MIER2: variants seen among roughly 807,000 people sequenced by gnomAD.
The protein encoded by MIER2 is mesoderm induction early response protein 2.
Under a neutral mutation model 67.6 loss-of-function variants are expected in MIER2, and 30 were observed. The ratio of observed to expected loss-of-function variants is 0.44; its 90% CI spans 0.33 to 0.60. The LOEUF (loss-of-function observed/expected upper bound fraction) is 0.60, where lower values mean the gene tolerates loss of function less well. Among genes scored for constraint, MIER2 ranks in the 20% least tolerant of loss-of-function variants. MIER2 has a pLI of 0.02. For synonymous variants in MIER2, 372 were observed against 312.6 expected (o/e 1.19, Z -2.00); for missense variants, 702 against 745.1 (o/e 0.94, Z 0.67).
At chr19:318,494 AGAG>A (rs1298181241) in intron 7 of MIER2, among the ~76,000 whole-genome samples, 1 of 152,210 alleles carries the variant, frequency 6.6e-6, no homozygotes, top group African/African-American at 2.4e-5. Flanking sequence ...ATCCACAATC[AGAG>A]GAGGTCATTA....
intron 1 of MIER2, 27 bp from the exon 2 acceptor site, chr19:336,200 C>T: frequency 6.3e-7 from 1 of 1,593,928 alleles, no homozygotes; most frequent in Non-Finnish European, 8.6e-7. Flanking sequence ...GCAGGGTTAG[C>T]TCGGCCGGCC....
rs764434876 is a variant in MIER2, at chr19:325,689, G to A, written c.601C>T (p.Pro201Ser). The change falls in exon 7 of 14, where the codon CCT becomes TCT. Residue 201 changes from proline to serine, a missense_variant. Around this residue, in one of 3 missense-constraint regions of MIER2, gnomAD observed 320 missense variants for 292.6 expected, o/e 1.09. Coordinates refer to ENST00000264819, the MANE Select transcript of MIER2 (RefSeq NM_017550.3). ...NKCKKEIMVG[P>S]QFQADLSNLH... ...TTGCTGAGGTCAGCTTGGAACTGAG[G>A]TCCCACCATGATCTCCTGCAAAGCA... The A allele has an allele frequency of 1.9e-6, 3 of 1,614,204 alleles. No individual in the cohort carries two copies. The highest frequency in any genetic ancestry group is 2.2e-5 in the East Asian group (1 of 44,884).
Position 306,453 on chromosome 19 carries a change from C to T in MIER2, c.*237G>A, listed in dbSNP as rs928869422. 14 of 616,026 alleles carry T rather than the reference C, an allele frequency of 2.3e-5. No individual in the cohort carries two copies. The highest frequency in any genetic ancestry group is 3.7e-5 in the Non-Finnish European group (13 of 353,140). The allele number at this position is 616,026 out of a possible 1,614,324, so 38.2% of individuals were successfully genotyped here. A position where few individuals can be genotyped will look rare whatever the true frequency, so the allele number is the denominator to read the frequency against. Reference sequence around the variant, plus strand: ...CCACGTGCAGGCAGCGGCCCGGACCCGGGTGGCAGTGCCGGGCGCTGACGG... The same window carrying T: ...CCACGTGCAGGCAGCGGCCCGGACCTGGGTGGCAGTGCCGGGCGCTGACGG... On this transcript the variant is annotated 3_prime_UTR_variant, in exon 14 of 14. Coordinates refer to ENST00000264819, the MANE Select transcript of MIER2 (RefSeq NM_017550.3).
intron 3 of MIER2, among the ~76,000 whole-genome samples, chr19:330,698 C>T (rs1238489491): frequency 6.6e-6 from 1 of 152,100 alleles, no homozygotes; most frequent in Non-Finnish European, 1.5e-5. Flanking sequence ...GGGTGGGGCC[C>T]TGATCCAACA....
At chr19:323,635 A>T (rs1971596294) in intron 7 of MIER2, among the ~76,000 whole-genome samples, 1 of 151,904 alleles carries the variant, frequency 6.6e-6, no homozygotes. Context: ...CAAACCAAGG[A>T]CCACAATGGA....
At chr19:322,795 G>A (rs907867009) in intron 7 of MIER2, among the ~76,000 whole-genome samples, 3 of 152,106 alleles carry the variant, frequency 2.0e-5, no homozygotes, top group African/African-American at 7.2e-5. Flanking sequence ...AGTGCCGAGT[G>A]CCTATGTCCA....
Position 308,741 on chromosome 19 carries a change from AC to A in MIER2, c.1109+59del, listed in dbSNP as rs879092436. Reference sequence around the variant, plus strand: ...CCCAAGAGGTGCCGCCCAGGCGCCCACGTGCCCACCCCCGGCGGGGTGGCCG... The same window carrying A: ...CCCAAGAGGTGCCGCCCAGGCGCCCAGTGCCCACCCCCGGCGGGGTGGCCG... On this transcript the variant is annotated intron_variant, in intron 11 of 13. Transcript: ENST00000264819. This position sits in a 1 kb window ranked among gnomAD's most constrained non-coding sequence, Gnocchi z 9.1. 1.0e-5 allele frequency: 16 copies of A among 1,593,658 alleles called. No individual in the cohort carries two copies. The South Asian group carries it at 1.8e-4, about 18-fold the overall frequency.
At chr19:343,788 C>T (rs1384718901) in intron 1 of MIER2, 2 of 967,578 alleles carry the variant, frequency 2.1e-6, no homozygotes, top group Non-Finnish European at 2.5e-6. Flanking sequence ...GAGCACCTCG[C>T]AGCCGCCGCA....
chr19:309,627 C>T (rs867536226), intron 10 of MIER2, among the ~76,000 whole-genome samples: 13 of 123,476 alleles, frequency 1.1e-4, no homozygotes, highest in African/African-American at 4.0e-4. Flanking sequence ...GACACACACA[C>T]GCACACAAGG....
intron 10 of MIER2, 133 bp downstream of exon 10, chr19:311,712 G>A (rs1568217609): frequency 1.6e-5 from 12 of 767,498 alleles, no homozygotes; most frequent in Non-Finnish European, 2.3e-5. Context: ...ACAGCAATGG[G>A]CACACGGTGA....
chr19:309,083 C>T (rs1440355232), intron 10 of MIER2, among the ~76,000 whole-genome samples, 158 bp from the exon 11 acceptor site: 1 of 152,104 alleles, frequency 6.6e-6, no homozygotes, highest in East Asian at 1.9e-4. Context: ...ATGACCCTAA[C>T]AGGCCACAGG....
At chr19:337,446 C>T (rs902644676) in intron 1 of MIER2, among the ~76,000 whole-genome samples, 1 of 152,154 alleles carries the variant, frequency 6.6e-6, no homozygotes, top group African/African-American at 2.4e-5. Flanking sequence ...CTTATCATTG[C>T]CCTCAATGGG....
chr19:309,259 C>A (rs1970809992), intron 10 of MIER2, among the ~76,000 whole-genome samples: 1 of 152,112 alleles, frequency 6.6e-6, no homozygotes, highest in South Asian at 2.1e-4. Flanking sequence ...CCCACCCCAT[C>A]CCAGACCATG....
intron 2 of MIER2, 85 bp downstream of exon 2, chr19:335,998 C>T (rs972579258): frequency 7.4e-7 from 1 of 1,356,652 alleles, no homozygotes; most frequent in Non-Finnish European, 1.0e-6. Flanking sequence ...CGGTCCACAG[C>T]TCAGCCAGGC....
chr19:315,224 G>A (rs112626059), intron 7 of MIER2, among the ~76,000 whole-genome samples: 16,231 of 152,056 alleles, frequency 0.11, 1,140 homozygotes, highest in African/African-American at 0.19. Flanking sequence ...AATTAGCCGG[G>A]CGTGGTCATG....
chr19:327,960 A>G lies in MIER2; in HGVS notation c.273T>C (p.Leu91=), dbSNP rs375594713. ...CTGACGCCTCGTAGCCATAGAGCGCAAGCAGCTCATCAAAGGGCATGTCGT... is the reference window on the plus strand; with the variant it reads ...CTGACGCCTCGTAGCCATAGAGCGCGAGCAGCTCATCAAAGGGCATGTCGT... The part of the protein sequence containing the change: ...QSNDMPFDEL[L]ALYGYEASDP... The change falls in exon 4 of 14, where the codon CTT becomes CTC. Residue 91 remains leucine, a synonymous_variant. Coordinates refer to ENST00000264819, the MANE Select transcript of MIER2 (RefSeq NM_017550.3). The G allele has an allele frequency of 5.0e-6, 8 of 1,613,082 alleles. No individual in the cohort carries two copies. Among genetic ancestry groups the G allele is most frequent in the Middle Eastern group, 1.6e-4 (1 of 6,076 alleles).
At chr19:336,899 G>A (rs1972282698) in intron 1 of MIER2, among the ~76,000 whole-genome samples, 1 of 151,938 alleles carries the variant, frequency 6.6e-6, no homozygotes, top group Admixed American at 6.6e-5. Context: ...CTGGAGTGCA[G>A]TGGCGCAATC....
intron 7 of MIER2, among the ~76,000 whole-genome samples, chr19:322,462 A>T (rs561563209): frequency 6.6e-6 from 1 of 152,334 alleles, no homozygotes; most frequent in Admixed American, 6.5e-5. Flanking sequence ...CACAAAGCCC[A>T]GAAAGACTTG....
chr19:315,819 C>A (rs1971212926), intron 7 of MIER2, among the ~76,000 whole-genome samples: 1 of 152,248 alleles, frequency 6.6e-6, no homozygotes, highest in Admixed American at 6.5e-5. Context: ...AAACTGACGA[C>A]TGATACCAAC....
Sources: allele counts gnomAD v4.1 joint callset (sites outside exome capture counted in the v4.1 genomes callset), GRCh38; gene constraint gnomAD v4.1.1; regional missense constraint gnomAD v4.1.1; non-coding constraint Gnocchi (gnomAD v3.1); transcripts MANE v1.5; gene names NCBI Gene and HGNC (gene_info 2026-07-23, HGNC 2026-07-21).